Variants in GRM4 observed in about 807,000 individuals in gnomAD.
GRM4 encodes metabotropic glutamate receptor 4.
Under a neutral mutation model 81.7 loss-of-function variants are expected in GRM4, and 28 were observed. That is an observed-to-expected ratio of 0.34 (90% CI 0.25 to 0.47). The LOEUF (loss-of-function observed/expected upper bound fraction) is 0.47. Ranked by LOEUF, GRM4 falls within the 20% of genes least tolerant of loss-of-function variation. The pLI is 1.00. For synonymous variants in GRM4, 488 were observed against 528.8 expected, an observed-to-expected ratio of 0.92 and a Z score of 1.06; for missense variants, 948 against 1,290.0, an observed-to-expected ratio of 0.73 and a Z score of 4.06.
At chr6:34,079,851 C>T (rs1428344638) in intron 3 of GRM4, among the ~76,000 whole-genome samples, 1 of 152,202 alleles carries the variant, frequency 6.6e-6, no homozygotes, top group South Asian at 2.1e-4. Flanking sequence ...GCCATTGTCA[C>T]CTCTTGCCTG....
At chr6:34,026,075 T>C (rs1313409322) in intron 10 of GRM4, among the ~76,000 whole-genome samples, 14 of 152,194 alleles carry the variant, frequency 9.2e-5, no homozygotes, top group Admixed American at 6.5e-5. Flanking sequence ...AGCCAGGCAG[T>C]GCTAGGCACC....
At chr6:34,139,324 G>A (rs927529305) in intron 1 of GRM4, among the ~76,000 whole-genome samples, 1 of 152,082 alleles carries the variant, frequency 6.6e-6, no homozygotes, top group African/African-American at 2.4e-5. Context: ...AGGAGAGCAG[G>A]GAGGGAAAAA....
chr6:34,140,806 C>T (rs955346411), intron 1 of GRM4, among the ~76,000 whole-genome samples: 9 of 152,252 alleles, frequency 5.9e-5, no homozygotes, highest in African/African-American at 1.4e-4. Flanking sequence ...ACTGCTTCTT[C>T]CTCTCTCCTC....
At position 34,032,794 on chromosome 6, in the gene GRM4, T is replaced by C. The variant is rs2127440157; in HGVS notation, c.2442+2874A>G. Among the ~76,000 whole-genome samples the C allele has an allele frequency of 3.3e-5, 5 of 152,114 alleles. No individual in the cohort carries two copies. In the East Asian group the frequency reaches 9.7e-4, roughly 30 times the overall value. On this transcript the variant is annotated intron_variant, in intron 9 of 10. Coordinates refer to ENST00000538487, the MANE Select transcript of GRM4 (RefSeq NM_000841.4). ...TGAGTTGGGGGGCTGGGTTGCAACA[T>C]CTGGAGACTGGAGAGCCTGATATCC...
chr6:34,058,777 G>C (rs1766027518), intron 5 of GRM4, among the ~76,000 whole-genome samples, 197 bp downstream of exon 5: 1 of 152,180 alleles, frequency 6.6e-6, no homozygotes, highest in South Asian at 2.1e-4. Context: ...CTTGAATCTG[G>C]ATTCAAATTC....
Position 34,059,056 on chromosome 6 carries a change from G to A in GRM4, c.945C>T (p.Gly315=), listed in dbSNP as rs760338534. The change falls in exon 5 of 11, where the codon GGC becomes GGT. Residue 315 remains glycine (G), a synonymous_variant. Transcript: ENST00000538487. The surrounding 1 kb of genome is among the most constrained non-coding windows in gnomAD (Gnocchi z 5.7). ...HFFWMGSDSW[G]SKIAPVLHLE... ...GGTGCAGCACAGGTGCAATCTTGGA[G>A]CCCCAGCTGTCAGAGCCCATCCAGA... The A allele has an allele frequency of 1.2e-6, 2 of 1,613,758 alleles. No individual in the cohort carries two copies. Among genetic ancestry groups the A allele is most frequent in the African/African-American group, 1.3e-5 (1 of 74,890 alleles).
intron 8 of GRM4, among the ~76,000 whole-genome samples, chr6:34,038,603 C>G (rs1764833075): frequency 6.6e-6 from 1 of 152,098 alleles, no homozygotes; most frequent in South Asian, 2.1e-4. Flanking sequence ...TGCTCTGTGG[C>G]CCTCACAGCA....
chr6:34,141,382 C>T (rs1581738980), intron 1 of GRM4, among the ~76,000 whole-genome samples: 1 of 152,176 alleles, frequency 6.6e-6, no homozygotes, highest in Non-Finnish European at 1.5e-5. Flanking sequence ...CGTGGGCTGG[C>T]ATTATGGGCT....
chr6:34,093,438 G>A lies in GRM4; in HGVS notation c.520-1339C>T, dbSNP rs1202688757. On this transcript the variant is annotated intron_variant, in intron 2 of 10. Coordinates refer to ENST00000538487, the MANE Select transcript of GRM4 (RefSeq NM_000841.4). ...GCACCTATGATGTCCTAAGTGCTGA[G>A]GACAGCAGTGAATAAAACACTCACG... 3.3e-5 allele frequency among the ~76,000 whole-genome samples: 5 copies of A among 152,242 alleles called. No homozygotes were observed. In the South Asian group the frequency reaches 8.3e-4, roughly 25 times the overall value.
intron 6 of GRM4, among the ~76,000 whole-genome samples, chr6:34,050,500 C>T (rs1765563583): frequency 6.6e-6 from 1 of 152,166 alleles, no homozygotes; most frequent in Non-Finnish European, 1.5e-5. Context: ...GTCTCCCTCC[C>T]ACCATGACGG....
At chr6:34,060,722 G>A (rs996126886) in intron 4 of GRM4, 3 of 152,340 alleles carry the variant, frequency 2.0e-5, no homozygotes, top group African/African-American at 7.2e-5. Flanking sequence ...TTCCCCAGGA[G>A]CTGGCTGAGC....
In GRM4 at chr6:34,040,752, C is replaced by T; in HGVS notation, c.1169-4G>A. Reference sequence around the variant, plus strand: ...TCCTGCCCAATTCGCTCACGGTCTGCAATGAAACACCAGGAACAGGGACAC... The same window carrying T: ...TCCTGCCCAATTCGCTCACGGTCTGTAATGAAACACCAGGAACAGGGACAC... On this transcript the variant is annotated splice_region_variant and splice_polypyrimidine_tract_variant and intron_variant, in intron 6 of 10. Transcript: ENST00000538487. The T allele has an allele frequency of 6.2e-7, 1 of 1,611,018 alleles. No homozygotes were observed. The highest frequency in any genetic ancestry group is 8.5e-7 in the Non-Finnish European group (1 of 1,177,790).
chr6:34,033,276 T>C (rs962852581), intron 9 of GRM4, among the ~76,000 whole-genome samples: 1 of 152,132 alleles, frequency 6.6e-6, no homozygotes, highest in Non-Finnish European at 1.5e-5. Flanking sequence ...AAGGTCTGCC[T>C]CTTAGGGCCC....
chr6:34,088,826 G>C (rs1322651021), intron 3 of GRM4, among the ~76,000 whole-genome samples: 1 of 152,180 alleles, frequency 6.6e-6, no homozygotes. Flanking sequence ...CCCAGGCAGG[G>C]CTCAGTCAAG....
chr6:34,072,450 CCA>C (rs1766969884), intron 3 of GRM4, among the ~76,000 whole-genome samples: 1 of 125,282 alleles, frequency 8.0e-6, no homozygotes, highest in Non-Finnish European at 1.7e-5. Flanking sequence ...TCACCACACG[CCA>C]CACACATACC....
intron 3 of GRM4, among the ~76,000 whole-genome samples, chr6:34,079,744 C>T (rs1581666436): frequency 6.6e-6 from 1 of 152,194 alleles, no homozygotes; most frequent in African/African-American, 2.4e-5. Flanking sequence ...ATCCTCCAGC[C>T]CTCTGGCCAC....
intron 2 of GRM4, among the ~76,000 whole-genome samples, chr6:34,100,676 A>G (rs900272999): frequency 1.3e-5 from 2 of 152,266 alleles, no homozygotes; most frequent in African/African-American, 4.8e-5. Context: ...GAATACACAC[A>G]GAGCTAATGC....
intron 3 of GRM4, among the ~76,000 whole-genome samples, chr6:34,071,853 C>T (rs533558486): frequency 1.2e-3 from 169 of 137,608 alleles, no homozygotes; most frequent in Non-Finnish European, 2.4e-3. Context: ...ACAAACCACA[C>T]ACACAACCAT....
intron 2 of GRM4, among the ~76,000 whole-genome samples, chr6:34,129,874 GT>G (rs1426912351): frequency 6.6e-6 from 1 of 152,164 alleles, no homozygotes. Flanking sequence ...AATCACCTGA[GT>G]GCCCCCACAC....
Sources: allele counts gnomAD v4.1 joint callset (sites outside exome capture counted in the v4.1 genomes callset), GRCh38; gene constraint gnomAD v4.1.1; non-coding constraint Gnocchi (gnomAD v3.1); transcripts MANE v1.5; gene names NCBI Gene and HGNC (gene_info 2026-07-23, HGNC 2026-07-21).